The following HSPA4 variants were observed in gnomAD, a reference collection of about 807,000 sequenced individuals.
HSPA4 encodes heat shock protein family A (Hsp70) member 4, also known as heat shock 70 kDa protein 4.
In HSPA4, 25 loss-of-function variants were observed where a neutral mutation model predicts 106.2. The ratio of observed to expected loss-of-function variants is 0.24; its 90% CI spans 0.17 to 0.33. HSPA4 has a LOEUF of 0.33. Ranked by LOEUF, HSPA4 falls within the 10% of genes least tolerant of loss-of-function variation. The pLI, the probability that HSPA4 is intolerant of heterozygous loss-of-function variation, is 1.00. For synonymous variants in HSPA4, 332 were observed against 333.6 expected, an observed-to-expected ratio of 1.00 and a Z score of 0.05; for missense variants, 841 against 996.0, an observed-to-expected ratio of 0.84 and a Z score of 2.10.
intron 1 of HSPA4, among the ~76,000 whole-genome samples, chr5:133,057,697 A>T (rs62375205): frequency 7.9e-5 from 12 of 152,098 alleles, no homozygotes; most frequent in Non-Finnish European, 1.6e-4. Context: ...GGACTTAAAG[A>T]TTAGAACAGA....
intron 6 of HSPA4, 83 bp downstream of exon 6, chr5:133,074,209 A>G (rs925103222): frequency 3.4e-6 from 3 of 873,012 alleles, no homozygotes; most frequent in African/African-American, 3.5e-5. Flanking sequence ...TTTCTCATCT[A>G]CAATATGGGA....
intron 3 of HSPA4, among the ~76,000 whole-genome samples, chr5:133,069,226 C>CT (rs932599965): frequency 7.2e-6 from 1 of 138,032 alleles, no homozygotes; most frequent in African/African-American, 2.7e-5. Context: ...TATCTTGAAG[C>CT]TTTGTTCATT....
chr5:133,072,562 A>ATT (rs1221515710), intron 4 of HSPA4, among the ~76,000 whole-genome samples: 3 of 130,116 alleles, frequency 2.3e-5, no homozygotes, highest in Non-Finnish European at 5.1e-5. Flanking sequence ...CTAGTGGTTT[A>ATT]TTTTTTTTTT....
chr5:133,083,150 A>G (rs1765535533), intron 7 of HSPA4, among the ~76,000 whole-genome samples: 1 of 147,398 alleles, frequency 6.8e-6, no homozygotes, highest in Admixed American at 6.8e-5. Context: ...AATACAAAAA[A>G]AAAAAAAAAA....
chr5:133,095,918 A>G (rs948425499), intron 13 of HSPA4, among the ~76,000 whole-genome samples, 180 bp from the exon 14 acceptor site: 2 of 152,168 alleles, frequency 1.3e-5, no homozygotes, highest in African/African-American at 2.4e-5. Flanking sequence ...ACTGCTCTAG[A>G]TACCTCATTG....
intron 2 of HSPA4, among the ~76,000 whole-genome samples, chr5:133,065,240 A>G (rs1317650518): frequency 6.6e-6 from 1 of 152,190 alleles, no homozygotes; most frequent in Non-Finnish European, 1.5e-5. Flanking sequence ...ACAACTGTGG[A>G]TCAAAAATAT....
chr5:133,077,701 G>A (rs1765462930), intron 7 of HSPA4, among the ~76,000 whole-genome samples: 1 of 152,164 alleles, frequency 6.6e-6, no homozygotes, highest in Non-Finnish European at 1.5e-5. Context: ...GGAGTAAGAT[G>A]TTCTTTTGGC....
chr5:133,052,720 GTC>G (rs1240191453), intron 1 of HSPA4: 1 of 209,128 alleles, frequency 4.8e-6, no homozygotes, highest in Non-Finnish European at 9.6e-6. Context: ...GTCGTACTGA[GTC>G]TTTTGAGTCC....
At chr5:133,097,794 C>G (rs1765733046) in intron 15 of HSPA4, among the ~76,000 whole-genome samples, 1 of 152,034 alleles carries the variant, frequency 6.6e-6, no homozygotes, top group African/African-American at 2.4e-5. Context: ...GGTGATCCGC[C>G]CGCCTTGGCC....
At chr5:133,103,725 T>C (rs1765818891) in intron 17 of HSPA4, 140 bp from the exon 18 acceptor site, 1 of 665,768 alleles carries the variant, frequency 1.5e-6, no homozygotes, top group Non-Finnish European at 2.5e-6. Flanking sequence ...TTTGAATAAT[T>C]CTGTTCAGAT....
At chr5:133,103,594 G>A (rs994299852) in intron 17 of HSPA4, among the ~76,000 whole-genome samples, 1 of 152,106 alleles carries the variant, frequency 6.6e-6, no homozygotes, top group African/African-American at 2.4e-5. Context: ...CTAAGATTTT[G>A]TATAAATCGG....
At chr5:133,081,795 A>G (rs550235059) in intron 7 of HSPA4, among the ~76,000 whole-genome samples, 1 of 152,224 alleles carries the variant, frequency 6.6e-6, no homozygotes, top group South Asian at 2.1e-4. Context: ...AGCCCAGGAG[A>G]TGGAGGCTTC....
chr5:133,093,647 C>A (rs1456214932), intron 13 of HSPA4, among the ~76,000 whole-genome samples: 1 of 152,044 alleles, frequency 6.6e-6, no homozygotes, highest in Non-Finnish European at 1.5e-5. Flanking sequence ...TGCACCATCA[C>A]GCCCGGATAA....
chr5:133,072,658 C>T (rs932161169), intron 4 of HSPA4, among the ~76,000 whole-genome samples: 7 of 151,392 alleles, frequency 4.6e-5, no homozygotes, highest in Admixed American at 1.3e-4. Flanking sequence ...CCACCCACCA[C>T]GGCCCCCCAA....
chr5:133,077,264 G>T (rs955914063), intron 7 of HSPA4, among the ~76,000 whole-genome samples: 5 of 151,990 alleles, frequency 3.3e-5, no homozygotes, highest in African/African-American at 1.2e-4. Flanking sequence ...TGAGATGGAG[G>T]TTTTTGCTGT....
At chr5:133,098,970 C>T (rs1765750038) in intron 15 of HSPA4, among the ~76,000 whole-genome samples, 1 of 152,124 alleles carries the variant, frequency 6.6e-6, no homozygotes, top group African/African-American at 2.4e-5. Flanking sequence ...TTCCCAGATG[C>T]ACTTGCTTTT....
intron 5 of HSPA4, 69 bp from the exon 6 acceptor site, chr5:133,073,924 T>C (rs940796788): frequency 3.4e-6 from 4 of 1,187,084 alleles, no homozygotes; most frequent in Non-Finnish European, 4.6e-6. Context: ...TAAAACCTCT[T>C]TTTTCCTGCT....
At chr5:133,078,738 G>A (rs972300127) in intron 7 of HSPA4, among the ~76,000 whole-genome samples, 1 of 150,984 alleles carries the variant, frequency 6.6e-6, no homozygotes, top group Admixed American at 6.6e-5. Flanking sequence ...GATTATTGTT[G>A]TTGTTATTTT....
chr5:133,060,607 C>T (rs553821226), intron 1 of HSPA4, among the ~76,000 whole-genome samples: 28 of 152,264 alleles, frequency 1.8e-4, no homozygotes, highest in African/African-American at 6.5e-4. Context: ...GATGATCTGC[C>T]CACCTCGGCC....
Sources: allele counts gnomAD v4.1 joint callset (sites outside exome capture counted in the v4.1 genomes callset), GRCh38; gene constraint gnomAD v4.1.1; transcripts MANE v1.5; gene names NCBI Gene and HGNC (gene_info 2026-07-23, HGNC 2026-07-21).